Variants in LARP1 observed in about 807,000 individuals in gnomAD.
LARP1 encodes the protein La ribonucleoprotein 1, translational regulator.
In LARP1, 36 loss-of-function variants were observed where a neutral mutation model predicts 122.7. That is an observed-to-expected ratio of 0.29 (90% CI 0.22 to 0.39). The LOEUF (loss-of-function observed/expected upper bound fraction) is 0.39. Among genes scored for constraint, LARP1 ranks in the 10% least tolerant of loss-of-function variants. LARP1 has a pLI of 1.00. For missense variants in LARP1, 1,040 were observed against 1,403.6 expected (o/e 0.74, Z 4.14); for synonymous variants, 539 against 528.7 (o/e 1.02, Z -0.27).
chr5:154,719,028 G>A (rs1204491087), intron 1 of LARP1, among the ~76,000 whole-genome samples: 1 of 152,172 alleles, frequency 6.6e-6, no homozygotes, highest in Non-Finnish European at 1.5e-5. Flanking sequence ...TGCTCCCACT[G>A]TATTAGCTCA....
At chr5:154,695,061 A>C (rs1440286306) in intron 1 of LARP1, among the ~76,000 whole-genome samples, 3 of 152,120 alleles carry the variant, frequency 2.0e-5, no homozygotes, top group African/African-American at 7.2e-5. Context: ...CACGCCTGTA[A>C]TCCCGGCACT....
intron 8 of LARP1, among the ~76,000 whole-genome samples, chr5:154,795,642 T>C (rs896770271): frequency 6.6e-6 from 1 of 151,746 alleles, no homozygotes; most frequent in Admixed American, 6.6e-5. Context: ...AAGAAAATCC[T>C]AGAAAACCTA....
chr5:154,770,300 T>C (rs1247848535), intron 1 of LARP1, among the ~76,000 whole-genome samples: 1 of 151,998 alleles, frequency 6.6e-6, no homozygotes, highest in Non-Finnish European at 1.5e-5. Context: ...AGCTTTCTGA[T>C]TGCTATTTCG....
At chr5:154,774,013 G>T (rs977933230) in intron 1 of LARP1, among the ~76,000 whole-genome samples, 1 of 151,606 alleles carries the variant, frequency 6.6e-6, no homozygotes, top group Non-Finnish European at 1.5e-5. Flanking sequence ...TGACAAGAAC[G>T]TCATGCAGGT....
At chr5:154,691,271 A>AAAG (rs1754191797) in intron 1 of LARP1, among the ~76,000 whole-genome samples, 1 of 151,252 alleles carries the variant, frequency 6.6e-6, no homozygotes, top group African/African-American at 2.4e-5. Flanking sequence ...CAAAAAAAAA[A>AAAG]AAAAGAAAGA....
intron 1 of LARP1, among the ~76,000 whole-genome samples, chr5:154,765,228 T>C (rs1009638696): frequency 2.0e-5 from 3 of 152,208 alleles, no homozygotes; most frequent in Admixed American, 2.0e-4. Flanking sequence ...AAACATGTCA[T>C]GTACTCTTTG....
At position 154,797,448 on chromosome 5, in the gene LARP1, G is replaced by C. The variant is rs530266762; in HGVS notation, c.1377+2129G>C. Reference sequence around the variant, plus strand: ...GGGTTTCACCATGTTGGCCAGGTTGGTCTCGAACTCCTGACCTCAGGTGAT... The same window carrying C: ...GGGTTTCACCATGTTGGCCAGGTTGCTCTCGAACTCCTGACCTCAGGTGAT... On this transcript the variant is annotated intron_variant, in intron 8 of 18. Coordinates refer to ENST00000518297, the MANE Select transcript of LARP1 (RefSeq NM_033551.3). Among the ~76,000 whole-genome samples the C allele has an allele frequency of 1.6e-4, 25 of 151,786 alleles. 1 individual carries two copies. The highest frequency in any genetic ancestry group is 1.2e-3 in the Admixed American group (18 of 15,238).
chr5:154,694,927 C>A (rs1026022372), intron 1 of LARP1, among the ~76,000 whole-genome samples: 2 of 151,912 alleles, frequency 1.3e-5, no homozygotes, highest in African/African-American at 2.4e-5. Flanking sequence ...GGTTTCAACT[C>A]CTGGACTCAA....
At chr5:154,795,444 C>A in intron 8 of LARP1, 125 bp downstream of exon 8, 1 of 877,592 alleles carries the variant, frequency 1.1e-6, no homozygotes, top group Non-Finnish European at 1.7e-6. Flanking sequence ...AGTCTCAAGG[C>A]TTGGCTAGTC....
At chr5:154,756,653 A>G in intron 1 of LARP1, 1 of 288,018 alleles carries the variant, frequency 3.5e-6, no homozygotes, top group South Asian at 1.3e-4. Context: ...GTCACGGGCA[A>G]CCCAGTGCCC....
chr5:154,704,771 C>G (rs900889392), intron 1 of LARP1, among the ~76,000 whole-genome samples: 1 of 151,276 alleles, frequency 6.6e-6, no homozygotes, highest in African/African-American at 2.4e-5. Flanking sequence ...TATCCACAAT[C>G]TATAAGGGGA....
intron 1 of LARP1, chr5:154,757,136 G>A (rs1294961033): frequency 2.7e-5 from 4 of 150,720 alleles, no homozygotes; most frequent in African/African-American, 9.7e-5. Context: ...GGGTGTGTGC[G>A]CGTCCCCCCT....
intron 1 of LARP1, among the ~76,000 whole-genome samples, chr5:154,728,256 A>G (rs966719545): frequency 6.6e-6 from 1 of 152,182 alleles, no homozygotes; most frequent in Non-Finnish European, 1.5e-5. Flanking sequence ...ATTCCGATGC[A>G]ATGAGTCTAC....
intron 1 of LARP1, among the ~76,000 whole-genome samples, chr5:154,717,168 A>T (rs1027871222): frequency 2.0e-5 from 3 of 152,144 alleles, no homozygotes; most frequent in African/African-American, 4.8e-5. Context: ...AAGATCTGGC[A>T]CTATATGTCC....
At chr5:154,779,117 T>G (rs1425289763) in intron 1 of LARP1, among the ~76,000 whole-genome samples, 3 of 152,194 alleles carry the variant, frequency 2.0e-5, no homozygotes, top group Admixed American at 6.5e-5. Flanking sequence ...TACTATTACT[T>G]CATTTAATCT....
At chr5:154,810,384 C>G (rs1479003802) in intron 16 of LARP1, among the ~76,000 whole-genome samples, 1 of 150,842 alleles carries the variant, frequency 6.6e-6, no homozygotes, top group Non-Finnish European at 1.5e-5. Context: ...TGCAGTGAGC[C>G]AAGATCGTGC....
chr5:154,750,841 G>A (rs1753446624), upstream of LARP1, among the ~76,000 whole-genome samples: 4 of 151,966 alleles, frequency 2.6e-5, no homozygotes, highest in South Asian at 4.2e-4. Context: ...TCAAATTCCC[G>A]GGCTCAAGCA....
intron 8 of LARP1, among the ~76,000 whole-genome samples, chr5:154,799,110 C>G (rs1315530523): frequency 6.6e-6 from 1 of 152,204 alleles, no homozygotes; most frequent in Non-Finnish European, 1.5e-5. Flanking sequence ...GATCTGCCTG[C>G]CTGGGGCTCC....
intron 1 of LARP1, among the ~76,000 whole-genome samples, chr5:154,787,081 G>C (rs1561603162): frequency 6.6e-6 from 1 of 152,098 alleles, no homozygotes; most frequent in Admixed American, 6.5e-5. Context: ...GTTTCTCCAT[G>C]TTGCTCAGGC....
Sources: allele counts gnomAD v4.1 joint callset (sites outside exome capture counted in the v4.1 genomes callset), GRCh38; gene constraint gnomAD v4.1.1; transcripts MANE v1.5; gene names NCBI Gene and HGNC (gene_info 2026-07-23, HGNC 2026-07-21).